Variants in NTRK2 observed in about 807,000 individuals in gnomAD.
The protein encoded by NTRK2 is neurotrophic receptor tyrosine kinase 2.
A neutral mutation model predicts 94.5 loss-of-function variants in NTRK2; 13 were observed. That is an observed-to-expected ratio of 0.14 (90% confidence interval 0.09 to 0.22). The LOEUF (loss-of-function observed/expected upper bound fraction) is 0.22. NTRK2 is among the 10% of genes least tolerant of loss of function. The probability of loss-of-function intolerance (pLI) is 1.00; values close to 1 mark genes in which losing one functional copy is unlikely to be tolerated. For synonymous variants in NTRK2, 372 were observed against 407.4 expected (o/e 0.91, Z 1.05); for missense variants, 639 against 1,071.2 (o/e 0.60, Z 5.63).
chr9:84,895,797 G>A (rs1187199779), intron 14 of NTRK2, among the ~76,000 whole-genome samples: 1 of 152,242 alleles, frequency 6.6e-6, no homozygotes, highest in East Asian at 1.9e-4. Flanking sequence ...GTAGTAGAAG[G>A]GGCTTGCTTG....
intron 12 of NTRK2, among the ~76,000 whole-genome samples, chr9:84,779,883 A>G (rs933218458): frequency 2.0e-4 from 30 of 152,180 alleles, no homozygotes; most frequent in African/African-American, 6.3e-4. Flanking sequence ...TTTACTTCTG[A>G]TAAGAGTAAA....
chr9:84,789,110 A>G (rs1027342388), intron 12 of NTRK2, among the ~76,000 whole-genome samples: 3 of 152,192 alleles, frequency 2.0e-5, no homozygotes, highest in Non-Finnish European at 4.4e-5. Flanking sequence ...CAAGTTGAAG[A>G]ACAGCTAGGT....
chr9:85,009,510 T>G (rs967784277), intron 17 of NTRK2, among the ~76,000 whole-genome samples: 1 of 152,222 alleles, frequency 6.6e-6, no homozygotes, highest in Non-Finnish European at 1.5e-5. Context: ...GCAAAGCAGC[T>G]GCTGCTTGTA....
chr9:84,739,343 C>A (rs561832166), intron 9 of NTRK2, among the ~76,000 whole-genome samples: 1 of 152,194 alleles, frequency 6.6e-6, no homozygotes, highest in Admixed American at 6.5e-5. Context: ...GAGTCACCAC[C>A]CCCGGCCCTG....
intron 17 of NTRK2, among the ~76,000 whole-genome samples, chr9:85,005,728 A>T (rs1830891138): frequency 6.6e-6 from 1 of 152,118 alleles, no homozygotes; most frequent in Non-Finnish European, 1.5e-5. Flanking sequence ...CAATACCTGG[A>T]ATGTAACCTC....
chr9:84,993,395 A>G (rs1829338675), intron 17 of NTRK2, among the ~76,000 whole-genome samples: 1 of 152,154 alleles, frequency 6.6e-6, no homozygotes, highest in African/African-American at 2.4e-5. Flanking sequence ...AGCATGCCCT[A>G]GCCTACTCAA....
At chr9:84,677,207 C>A (rs569573108) in intron 2 of NTRK2, among the ~76,000 whole-genome samples, 4 of 152,210 alleles carry the variant, frequency 2.6e-5, no homozygotes, top group African/African-American at 9.6e-5. Context: ...AGTGGAGAAA[C>A]CCGCAGCCCT....
At chr9:84,898,062 T>TG (rs200341454) in intron 14 of NTRK2, among the ~76,000 whole-genome samples, 5 of 151,524 alleles carry the variant, frequency 3.3e-5, no homozygotes, top group African/African-American at 7.3e-5. Flanking sequence ...GCCACTGTTT[T>TG]TTTTTTTTTT....
intron 12 of NTRK2, among the ~76,000 whole-genome samples, chr9:84,850,786 T>C (rs1280163303): frequency 6.6e-6 from 1 of 152,050 alleles, no homozygotes; most frequent in East Asian, 1.9e-4. Context: ...GCCCTTTTGG[T>C]GTTGGGAGCA....
intron 17 of NTRK2, among the ~76,000 whole-genome samples, chr9:85,002,922 G>A (rs79100091): frequency 1.6e-3 from 243 of 152,280 alleles, no homozygotes; most frequent in African/African-American, 5.5e-3. Flanking sequence ...ATCAGGCCAG[G>A]TCAGGCCAGG....
chr9:85,009,770 A>C (rs576055150), intron 17 of NTRK2, among the ~76,000 whole-genome samples: 1 of 152,210 alleles, frequency 6.6e-6, no homozygotes, highest in African/African-American at 2.4e-5. Flanking sequence ...GAAAAGAACC[A>C]TAATGATGCC....
At chr9:84,936,875 A>G (rs1324371924) in intron 15 of NTRK2, among the ~76,000 whole-genome samples, 1 of 151,786 alleles carries the variant, frequency 6.6e-6, no homozygotes, top group Non-Finnish European at 1.5e-5. Context: ...TTTTTTTTAA[A>G]TGAGAGGTTT....
At chr9:84,677,149 A>G (rs2059111017) in intron 2 of NTRK2, among the ~76,000 whole-genome samples, 1 of 152,196 alleles carries the variant, frequency 6.6e-6, no homozygotes, top group Non-Finnish European at 1.5e-5. Context: ...GAGTGAAATG[A>G]AACCTGTTGC....
At chr9:84,988,216 C>T (rs1828580477) in intron 17 of NTRK2, among the ~76,000 whole-genome samples, 1 of 152,112 alleles carries the variant, frequency 6.6e-6, no homozygotes, top group South Asian at 2.1e-4. Context: ...TGCAGCCACG[C>T]CAACCAGAGG....
chr9:84,817,559 G>C (rs771987390), intron 12 of NTRK2, among the ~76,000 whole-genome samples: 2 of 152,172 alleles, frequency 1.3e-5, no homozygotes, highest in Non-Finnish European at 2.9e-5. Context: ...GTCTTACACT[G>C]AATACAGCTG....
At chr9:84,722,845 A>G (rs2062168610) in intron 6 of NTRK2, among the ~76,000 whole-genome samples, 1 of 152,240 alleles carries the variant, frequency 6.6e-6, no homozygotes, top group African/African-American at 2.4e-5. Flanking sequence ...TTCATCTGAT[A>G]AATACATTCT....
intron 2 of NTRK2, among the ~76,000 whole-genome samples, chr9:84,689,593 C>G (rs1284160551): frequency 6.6e-6 from 1 of 151,990 alleles, no homozygotes; most frequent in East Asian, 1.9e-4. Flanking sequence ...GACATCTTAT[C>G]CTTTTTTTAA....
chr9:84,904,655 T>C (rs927191695), intron 14 of NTRK2, among the ~76,000 whole-genome samples: 1 of 152,218 alleles, frequency 6.6e-6, no homozygotes, highest in African/African-American at 2.4e-5. Context: ...GGGAGGTATT[T>C]CTGTCATATT....
At chr9:84,702,134 C>T (rs200633160) in intron 2 of NTRK2, 25 bp from the exon 3 acceptor site, 14 of 1,606,316 alleles carry the variant, frequency 8.7e-6, no homozygotes, top group East Asian at 4.5e-5. Flanking sequence ...TGAGTCACTG[C>T]GATTCACTCT....
Sources: gnomAD v4.1 joint callset for allele counts (sites outside exome capture counted in the v4.1 genomes callset) on GRCh38, gnomAD v4.1.1 for gene constraint, MANE v1.5 for transcripts, NCBI Gene and HGNC (gene_info 2026-07-23, HGNC 2026-07-21) for gene names.